Variants in OPRM1 observed in about 807,000 individuals in gnomAD.
The protein encoded by OPRM1 is mu-type opioid receptor.
A neutral mutation model predicts 31.8 loss-of-function variants in OPRM1; 27 were observed. That is an observed-to-expected ratio of 0.85 (90% CI 0.63 to 1.17). The LOEUF is 1.17. OPRM1 is among the 50% of genes most tolerant of loss of function. The probability of loss-of-function intolerance (pLI) is 0.00; values close to 1 mark genes in which losing one functional copy is unlikely to be tolerated. For synonymous variants in OPRM1, 196 were observed against 189.9 expected (o/e 1.03, Z -0.26); for missense variants, 536 against 511.1 (o/e 1.05, Z -0.47).
chr6:154,025,901 A>G (rs2128384755), intron 1 of OPRM1, among the ~76,000 whole-genome samples: 1 of 152,220 alleles, frequency 6.6e-6, no homozygotes, highest in South Asian at 2.1e-4. Context: ...TTATGTCTTG[A>G]AAAGTTGCTG....
intron 3 of OPRM1, among the ~76,000 whole-genome samples, chr6:154,116,092 A>G (rs1168195599): frequency 1.5e-4 from 23 of 152,068 alleles, no homozygotes; most frequent in Non-Finnish European, 1.5e-5. Flanking sequence ...CCAGTACAGG[A>G]TCTCCCGGCA....
intron 3 of OPRM1, among the ~76,000 whole-genome samples, chr6:154,230,687 A>G (rs1408392421): frequency 6.6e-6 from 1 of 152,172 alleles, no homozygotes; most frequent in Non-Finnish European, 1.5e-5. Flanking sequence ...ATGAAAAGTA[A>G]TATTATATCT....
At chr6:154,212,645 T>C (rs1778058633) in intron 3 of OPRM1, 1 of 645,916 alleles carries the variant, frequency 1.5e-6, no homozygotes, top group African/African-American at 1.8e-5. Flanking sequence ...CACTTGCTCG[T>C]TGGCAGGTAT....
chr6:154,167,867 C>T, intron 3 of OPRM1: 1 of 1,341,080 alleles, frequency 7.5e-7, no homozygotes, highest in Non-Finnish European at 1.0e-6. Flanking sequence ...GCAGAACCAG[C>T]CGTTCCTTGC....
At chr6:154,075,766 C>A (rs927590395) in intron 1 of OPRM1, among the ~76,000 whole-genome samples, 1 of 152,264 alleles carries the variant, frequency 6.6e-6, no homozygotes, top group East Asian at 1.9e-4. Context: ...AAGACTCAAC[C>A]CCACCTCTGA....
upstream of OPRM1, among the ~76,000 whole-genome samples, chr6:154,035,561 T>A (rs566301452): frequency 6.6e-6 from 1 of 152,260 alleles, no homozygotes; most frequent in South Asian, 2.1e-4. Flanking sequence ...CTGCATAGTA[T>A]TTATGTTTGT....
intron 3 of OPRM1, among the ~76,000 whole-genome samples, chr6:154,139,905 G>T (rs148302269): frequency 6.6e-6 from 1 of 152,062 alleles, no homozygotes; most frequent in Non-Finnish European, 1.5e-5. Flanking sequence ...CCCCTGGCCC[G>T]CAGTTTAAAT....
chr6:154,107,766 G>A lies in OPRM1; in HGVS notation c.1165-10917G>A, dbSNP rs1414361004. The stretch of plus-strand genomic sequence containing the variant: ...GTTTCAGGGACCTCCAGCCAAGTTT[G>A]TTGCTGACCAACTTGCCGGGTCGTC... On this transcript the variant is annotated intron_variant, in intron 3 of 3. Coordinates refer to ENST00000330432, the MANE Select transcript of OPRM1 (RefSeq NM_000914.5). 3 of 718,378 alleles carry A rather than the reference G, an allele frequency of 4.2e-6. No homozygotes were observed. The African/African-American group carries it at 5.2e-5, about 13-fold the overall frequency. 44.5% of individuals were successfully genotyped at this position (718,378 alleles called of 1,614,324 possible). A position where few individuals can be genotyped will look rare whatever the true frequency, so the allele number is the denominator to read the frequency against.
chr6:154,138,815 C>T (rs368661757), intron 3 of OPRM1, among the ~76,000 whole-genome samples: 2 of 152,226 alleles, frequency 1.3e-5, no homozygotes, highest in African/African-American at 2.4e-5. Context: ...TTAGGAGTCA[C>T]GTAGCCGGAG....
chr6:154,039,829 T>C lies in OPRM1; in HGVS notation c.285T>C (p.Ile95=). ...GAAACTTCCTGGTCATGTATGTGATTGTCAGGTAAGGAAAGCGCCAGGGCT... is the reference window on the plus strand; with the variant it reads ...GAAACTTCCTGGTCATGTATGTGATCGTCAGGTAAGGAAAGCGCCAGGGCT... ...LFGNFLVMYV[I]VRYTKMKTAT... is the part of the protein sequence containing the mutation. Residue 95 remains isoleucine, a synonymous_variant, in exon 1 of 4, where the codon ATT becomes ATC. Transcript: ENST00000330432. 1 of 1,580,988 alleles carries C rather than the reference T, an allele frequency of 6.3e-7. No homozygotes were observed. The highest frequency in any genetic ancestry group is 1.3e-5 in the African/African-American group (1 of 74,698).
At chr6:154,094,886 G>A (rs1793084846) in intron 3 of OPRM1, among the ~76,000 whole-genome samples, 1 of 152,194 alleles carries the variant, frequency 6.6e-6, no homozygotes, top group African/African-American at 2.4e-5. Context: ...GACCACTTCT[G>A]CTAACAATCC....
intron 3 of OPRM1, among the ~76,000 whole-genome samples, chr6:154,138,356 T>C (rs1798111492): frequency 6.6e-6 from 1 of 152,208 alleles, no homozygotes; most frequent in South Asian, 2.1e-4. Context: ...TTGAATCGCC[T>C]GATTGCTTTA....
chr6:154,134,608 A>G (rs888383051), downstream of OPRM1, among the ~76,000 whole-genome samples: 27 of 152,142 alleles, frequency 1.8e-4, no homozygotes, highest in Admixed American at 8.5e-4. Context: ...TCCAGAAGCC[A>G]CACTGAGGAC....
In OPRM1 at chr6:154,124,566, G is replaced by C. The variant is rs533008428; in HGVS notation, c.*5845G>C. Among the ~76,000 whole-genome samples the C allele has an allele frequency of 2.0e-5, 3 of 152,286 alleles. No individual in the cohort carries two copies. Among genetic ancestry groups the C allele is most frequent in the Middle Eastern group, 6.8e-3 (2 of 294 alleles). On this transcript the variant is annotated 3_prime_UTR_variant, in exon 4 of 4. Coordinates refer to ENST00000330432, the MANE Select transcript of OPRM1 (RefSeq NM_000914.5). ...CCTCTGACCTCCTGTGACACATGGG[G>C]TGAGCCCTTCCTTTTTGTCTCAATC...
chr6:154,069,555 G>T (rs1436696260), intron 1 of OPRM1, among the ~76,000 whole-genome samples: 2 of 152,136 alleles, frequency 1.3e-5, no homozygotes, highest in African/African-American at 4.8e-5. Context: ...TGCTTTTAAG[G>T]TGATAGCCAG....
intron 3 of OPRM1, among the ~76,000 whole-genome samples, chr6:154,194,085 AC>A (rs1776383972): frequency 6.6e-6 from 1 of 152,180 alleles, no homozygotes; most frequent in Non-Finnish European, 1.5e-5. Flanking sequence ...CACTGTTAAT[AC>A]CCGCTCCTCA....
intron 3 of OPRM1, chr6:154,159,785 T>C (rs1172258120): frequency 6.8e-7 from 1 of 1,462,996 alleles, no homozygotes; most frequent in Non-Finnish European, 9.5e-7. Context: ...TCTTGAAGAG[T>C]TGCTTGTGAT....
At chr6:154,087,388 T>A in intron 1 of OPRM1, 1 of 985,462 alleles carries the variant, frequency 1.0e-6, no homozygotes, top group Non-Finnish European at 1.2e-6. Context: ...CTCAACCTCG[T>A]GTGACGGAAA....
chr6:154,094,861 G>C (rs1361177579), intron 3 of OPRM1, among the ~76,000 whole-genome samples: 1 of 152,164 alleles, frequency 6.6e-6, no homozygotes, highest in Non-Finnish European at 1.5e-5. Flanking sequence ...AGGTATATAG[G>C]GAGCGAATAA....
Sources: allele counts gnomAD v4.1 joint callset (sites outside exome capture counted in the v4.1 genomes callset), GRCh38; gene constraint gnomAD v4.1.1; transcripts MANE v1.5; gene names NCBI Gene and HGNC (gene_info 2026-07-23, HGNC 2026-07-21).